LYN: variants seen among roughly 807,000 people sequenced by gnomAD.
LYN encodes tyrosine-protein kinase Lyn.
A neutral mutation model predicts 65.0 loss-of-function variants in LYN; 12 were observed. That is an observed-to-expected ratio of 0.18 (90% CI 0.12 to 0.30). LYN has a LOEUF of 0.30. Among genes scored for constraint, LYN ranks in the 10% least tolerant of loss-of-function variants. LYN has a pLI of 1.00. For synonymous variants in LYN, 222 were observed against 221.2 expected, an observed-to-expected ratio of 1.00 and a Z score of -0.03; for missense variants, 380 against 623.2, an observed-to-expected ratio of 0.61 and a Z score of 4.16.
chr8:56,007,975 CG>C (rs1808715223), intron 12 of LYN, among the ~76,000 whole-genome samples: 1 of 151,664 alleles, frequency 6.6e-6, no homozygotes, highest in Non-Finnish European at 1.5e-5. Context: ...AAAAATTAGC[CG>C]GGCATGGTAG....
intron 2 of LYN, 87 bp from the exon 3 acceptor site, chr8:55,946,361 T>A: frequency 1.2e-6 from 1 of 845,308 alleles, no homozygotes; most frequent in Non-Finnish European, 2.0e-6. Context: ...TAACATCTGC[T>A]ACTGTTACAA....
chr8:55,905,594 A>G (rs1805396697), intron 1 of LYN, among the ~76,000 whole-genome samples: 1 of 152,166 alleles, frequency 6.6e-6, no homozygotes, highest in Non-Finnish European at 1.5e-5. Flanking sequence ...CATCTCGGGA[A>G]AAGGGAACCA....
At chr8:55,887,603 C>CACACATAT (rs775901867) in intron 1 of LYN, among the ~76,000 whole-genome samples, 4 of 111,980 alleles carry the variant, frequency 3.6e-5, no homozygotes, top group African/African-American at 1.3e-4. Flanking sequence ...CACACACACA[C>CACACATAT]ATATATATAT....
intron 1 of LYN, among the ~76,000 whole-genome samples, chr8:55,906,580 C>T (rs1036335475): frequency 2.0e-5 from 3 of 149,306 alleles, no homozygotes; most frequent in African/African-American, 7.5e-5. Flanking sequence ...TAGTCTTGAA[C>T]TCCTCACCTC....
At chr8:55,911,078 C>CATATATAT (rs1491438140) in intron 1 of LYN, among the ~76,000 whole-genome samples, 1 of 5,704 alleles carries the variant, frequency 1.8e-4, no homozygotes, top group African/African-American at 1.6e-3. Flanking sequence ...TATATATATA[C>CATATATAT]ATACATATAT....
chr8:55,898,159 C>T (rs770493032), intron 1 of LYN, among the ~76,000 whole-genome samples: 2 of 152,088 alleles, frequency 1.3e-5, no homozygotes. Context: ...TGTGCCACCC[C>T]CAGCCCAATG....
intron 12 of LYN, among the ~76,000 whole-genome samples, chr8:56,002,755 T>C (rs995491584): frequency 6.6e-6 from 1 of 152,112 alleles, no homozygotes; most frequent in African/African-American, 2.4e-5. Context: ...TGTTCCCTGA[T>C]TGGCTTGTCC....
At chr8:55,930,105 A>C (rs902151552) in intron 1 of LYN, among the ~76,000 whole-genome samples, 2 of 151,816 alleles carry the variant, frequency 1.3e-5, no homozygotes, top group African/African-American at 2.4e-5. Context: ...TGAAACCACC[A>C]CCCCCCACCT....
chr8:55,916,420 G>T (rs367643862), intron 1 of LYN, among the ~76,000 whole-genome samples: 13 of 152,286 alleles, frequency 8.5e-5, no homozygotes, highest in African/African-American at 2.6e-4. Context: ...ACTTTGTCAG[G>T]TTACTTTGGG....
chr8:55,962,530 G>C (rs922722581), intron 8 of LYN, among the ~76,000 whole-genome samples: 2 of 150,762 alleles, frequency 1.3e-5, no homozygotes, highest in East Asian at 2.0e-4. Flanking sequence ...ATCCCATGTC[G>C]TGTTGGTGAG....
chr8:55,880,498 T>G (rs1804622830), intron 1 of LYN, among the ~76,000 whole-genome samples: 1 of 152,126 alleles, frequency 6.6e-6, no homozygotes, highest in South Asian at 2.1e-4. Context: ...CCGCTGCCCT[T>G]GCGGAGCGGG....
chr8:55,945,397 T>C (rs534724666), intron 2 of LYN, among the ~76,000 whole-genome samples: 6 of 152,366 alleles, frequency 3.9e-5, no homozygotes, highest in Non-Finnish European at 7.3e-5. Flanking sequence ...TAAAACTTCC[T>C]GACATAAACA....
intron 12 of LYN, among the ~76,000 whole-genome samples, chr8:56,002,929 C>T (rs879806261): frequency 1.4e-4 from 21 of 152,216 alleles, no homozygotes; most frequent in East Asian, 7.7e-4. Context: ...GCACAGAAAT[C>T]GGTAAACATT....
At position 55,905,034 on chromosome 8, in the gene LYN, C is replaced by T. The variant is rs116877072; in HGVS notation, c.-6+24931C>T. Among the ~76,000 whole-genome samples the T allele has an allele frequency of 5.5e-4, 83 of 152,174 alleles. 2 individuals carry two copies. In the East Asian group the frequency reaches 0.016, roughly 29 times the overall value. ...AAGCATCAGTATTTTTTAGAGTTCC[C>T]CAGGTGATTCTGCTTGTGTACCAAG... On this transcript the variant is annotated intron_variant, in intron 1 of 12. Transcript: ENST00000519728.
chr8:55,932,431 G>GT (rs1273454996), intron 1 of LYN, among the ~76,000 whole-genome samples: 36 of 139,328 alleles, frequency 2.6e-4, no homozygotes, highest in South Asian at 2.2e-4. Context: ...GTTTGTTTTT[G>GT]TTTTTTTTTA....
In LYN at chr8:56,010,855, G is replaced by A. The variant is rs535258480; in HGVS notation, c.*745G>A. 1.5e-4 allele frequency: 34 copies of A among 230,058 alleles called. No individual in the cohort carries two copies. Among genetic ancestry groups the A allele is most frequent in the Non-Finnish European group, 2.7e-4 (31 of 116,158 alleles). 14.3% of individuals were successfully genotyped at this position (230,058 alleles called of 1,614,324 possible). A position where few individuals can be genotyped will look rare whatever the true frequency, so the allele number is the denominator to read the frequency against. On this transcript the variant is annotated 3_prime_UTR_variant, in exon 13 of 13. Coordinates refer to ENST00000519728, the MANE Select transcript of LYN (RefSeq NM_002350.4). Reference sequence around the variant, plus strand: ...GCTCACCTGGACCTCCCAGGAAAGGGAGAAGAGCCTCAGAAACTGCTCTGT... The same window carrying A: ...GCTCACCTGGACCTCCCAGGAAAGGAAGAAGAGCCTCAGAAACTGCTCTGT...
At chr8:55,905,654 T>C (rs1805399211) in intron 1 of LYN, among the ~76,000 whole-genome samples, 1 of 152,140 alleles carries the variant, frequency 6.6e-6, no homozygotes, top group Non-Finnish European at 1.5e-5. Flanking sequence ...TGGAGTCCTT[T>C]CTTTTCCTAG....
intron 1 of LYN, among the ~76,000 whole-genome samples, chr8:55,883,214 G>A (rs1804697104): frequency 6.6e-6 from 1 of 152,210 alleles, no homozygotes; most frequent in South Asian, 2.1e-4. Flanking sequence ...AATGCCTAAT[G>A]CTTTTGCACC....
chr8:55,986,982 C>G (rs2130562923), intron 10 of LYN, among the ~76,000 whole-genome samples: 1 of 152,306 alleles, frequency 6.6e-6, no homozygotes, highest in African/African-American at 2.4e-5. Flanking sequence ...TCACAAAGCA[C>G]TGGGATTACA....
Sources: gnomAD v4.1 joint callset for allele counts (sites outside exome capture counted in the v4.1 genomes callset) on GRCh38, gnomAD v4.1.1 for gene constraint, MANE v1.5 for transcripts, NCBI Gene and HGNC (gene_info 2026-07-23, HGNC 2026-07-21) for gene names.